PIK3C2G: variants seen among roughly 807,000 people sequenced by gnomAD.
PIK3C2G encodes the protein phosphatidylinositol 3-kinase C2 domain-containing subunit gamma.
PIK3C2G carries 168 observed loss-of-function variants against 181.1 expected under a neutral mutation model. The ratio of observed to expected loss-of-function variants is 0.93; its 90% CI spans 0.82 to 1.05. The LOEUF (loss-of-function observed/expected upper bound fraction) is 1.05, where lower values mean the gene tolerates loss of function less well. PIK3C2G is among the 50% of genes least tolerant of loss of function. The pLI, the probability that PIK3C2G is intolerant of heterozygous loss-of-function variation, is 0.00. For missense variants in PIK3C2G, 1,869 were observed against 1,732.8 expected (o/e 1.08, Z -1.40); for synonymous variants, 573 against 592.2 (o/e 0.97, Z 0.47).
chr12:18,355,521 T>C (rs1399510867), intron 11 of PIK3C2G, among the ~76,000 whole-genome samples: 4 of 152,148 alleles, frequency 2.6e-5, no homozygotes, highest in Admixed American at 1.3e-4. Flanking sequence ...TATGGGCTTG[T>C]GGCAGGAGGG....
chr12:18,602,372 C>G (rs893196316), intron 30 of PIK3C2G, among the ~76,000 whole-genome samples: 5 of 151,552 alleles, frequency 3.3e-5, no homozygotes, highest in African/African-American at 1.2e-4. Context: ...GCAGTCGCAG[C>G]AAGACCAGCC....
At chr12:18,415,433 T>C (rs991648986) in intron 16 of PIK3C2G, among the ~76,000 whole-genome samples, 4 of 152,214 alleles carry the variant, frequency 2.6e-5, no homozygotes, top group Non-Finnish European at 5.9e-5. Flanking sequence ...TTGTGTGTGT[T>C]CTGACTCTTC....
intron 30 of PIK3C2G, 48 bp from the exon 31 acceptor site, chr12:18,609,487 G>A (rs773030255): frequency 9.4e-7 from 1 of 1,062,428 alleles, no homozygotes; most frequent in South Asian, 1.4e-5. Context: ...TTGTTCCTGT[G>A]CTGAGCTTTT....
At chr12:18,677,217 T>A in the PIK3C2G span, among the ~76,000 whole-genome samples, 3 of 152,018 alleles carry the variant, frequency 2.0e-5, no homozygotes, top group African/African-American at 4.8e-5. Flanking sequence ...GATGCACAAA[T>A]ATGTGAGCAC....
intron 25 of PIK3C2G, among the ~76,000 whole-genome samples, chr12:18,543,992 G>C (rs574292829): frequency 6.6e-6 from 1 of 151,764 alleles, no homozygotes; most frequent in African/African-American, 2.4e-5. Flanking sequence ...GAAGCAATAC[G>C]TACTATGAAA....
chr12:18,558,645 G>A (rs1009717319), intron 26 of PIK3C2G, among the ~76,000 whole-genome samples: 5 of 152,076 alleles, frequency 3.3e-5, no homozygotes, highest in Admixed American at 1.3e-4. Context: ...TGGACTAGCT[G>A]TTGCTTCTGC....
intron 11 of PIK3C2G, among the ~76,000 whole-genome samples, chr12:18,360,779 C>A (rs1941168371): frequency 6.6e-6 from 1 of 152,090 alleles, no homozygotes; most frequent in Non-Finnish European, 1.5e-5. Flanking sequence ...TTTTCTCTAG[C>A]TGCTTGTGAA....
intron 16 of PIK3C2G, among the ~76,000 whole-genome samples, chr12:18,417,251 A>G (rs1181380542): frequency 2.0e-5 from 3 of 152,202 alleles, no homozygotes; most frequent in Non-Finnish European, 2.9e-5. Flanking sequence ...TGAGCAAAAA[A>G]GAGTGGTTTC....
At chr12:18,320,477 T>C (rs1003102766) in intron 6 of PIK3C2G, among the ~76,000 whole-genome samples, 1 of 152,228 alleles carries the variant, frequency 6.6e-6, no homozygotes, top group Non-Finnish European at 1.5e-5. Flanking sequence ...CATAATTTAG[T>C]GCTCATGGAA....
intron 18 of PIK3C2G, among the ~76,000 whole-genome samples, chr12:18,447,166 C>A (rs1182570777): frequency 6.6e-6 from 1 of 152,134 alleles, no homozygotes; most frequent in African/African-American, 2.4e-5. Context: ...GTTAGATGAT[C>A]ACTTTTTACT....
chr12:18,482,504 G>C (rs971564391), intron 18 of PIK3C2G, among the ~76,000 whole-genome samples: 1 of 152,068 alleles, frequency 6.6e-6, no homozygotes, highest in Non-Finnish European at 1.5e-5. Flanking sequence ...TATAAAAAGA[G>C]TGGAGCACAT....
the PIK3C2G span, among the ~76,000 whole-genome samples, chr12:18,685,236 A>T: frequency 4.6e-5 from 7 of 152,132 alleles, no homozygotes; most frequent in Admixed American, 4.6e-4. Context: ...GATGAATTTC[A>T]ATCTCTAAGA....
chr12:18,586,372 T>C (rs1249032137), intron 29 of PIK3C2G, among the ~76,000 whole-genome samples: 1 of 151,916 alleles, frequency 6.6e-6, no homozygotes, highest in Non-Finnish European at 1.5e-5. Flanking sequence ...ATAAACACAA[T>C]TAGAAATGAC....
chr12:18,329,393 C>T (rs1937674649), intron 8 of PIK3C2G, among the ~76,000 whole-genome samples: 1 of 151,876 alleles, frequency 6.6e-6, no homozygotes, highest in Admixed American at 6.6e-5. Flanking sequence ...GTCTCCTCTC[C>T]TCTATGTAAA....
chr12:18,257,853 G>GAAAGAAGATAGAA (rs1948163837), upstream of PIK3C2G, among the ~76,000 whole-genome samples: 1 of 151,342 alleles, frequency 6.6e-6, no homozygotes, highest in South Asian at 2.1e-4. Context: ...GAAAGAGAAA[G>GAAAGAAGATAGAA]AAAGAAAGAA....
At chr12:18,358,676 CA>C in intron 11 of PIK3C2G, 6 of 498,046 alleles carry the variant, frequency 1.2e-5, no homozygotes, top group Admixed American at 2.1e-5. Context: ...TCCTGTCCCA[CA>C]AAATCCTCAT....
chr12:18,709,873 C>T, the PIK3C2G span, among the ~76,000 whole-genome samples: 1 of 152,086 alleles, frequency 6.6e-6, no homozygotes, highest in Non-Finnish European at 1.5e-5. Context: ...ACAGATCTTT[C>T]ACTTCCTTGG....
chr12:18,389,778 A>G (rs1424866586), intron 14 of PIK3C2G, among the ~76,000 whole-genome samples: 4 of 152,220 alleles, frequency 2.6e-5, no homozygotes, highest in Non-Finnish European at 5.9e-5. Context: ...CGTATCAGAA[A>G]TGAAAATTGT....
At chr12:18,544,782 C>T (rs1944336254) in intron 25 of PIK3C2G, among the ~76,000 whole-genome samples, 1 of 151,870 alleles carries the variant, frequency 6.6e-6, no homozygotes, top group Non-Finnish European at 1.5e-5. Context: ...AGGACTCCCT[C>T]ATCCATCTCC....
Sources: gnomAD v4.1 joint callset for allele counts (sites outside exome capture counted in the v4.1 genomes callset) on GRCh38, gnomAD v4.1.1 for gene constraint, MANE v1.5 for transcripts, NCBI Gene and HGNC (gene_info 2026-07-23, HGNC 2026-07-21) for gene names.